The following STRBP variants were observed in gnomAD, a reference collection of about 807,000 sequenced individuals.
STRBP encodes the protein spermatid perinuclear RNA binding protein.
In STRBP, 13 loss-of-function variants were observed where a neutral mutation model predicts 80.1. The observed-to-expected ratio is 0.16, with a 90% confidence interval of 0.11 to 0.26. The LOEUF (loss-of-function observed/expected upper bound fraction) is 0.26. STRBP is among the 10% of genes least tolerant of loss of function. The pLI is 1.00. For missense variants in STRBP, 485 were observed against 815.2 expected (o/e 0.59, Z 4.93); for synonymous variants, 284 against 291.2 (o/e 0.98, Z 0.25).
At chr9:123,208,148 T>C (rs1463508694) in intron 2 of STRBP, among the ~76,000 whole-genome samples, 3 of 151,232 alleles carry the variant, frequency 2.0e-5, no homozygotes, top group Non-Finnish European at 4.4e-5. Flanking sequence ...GAATGAGACA[T>C]ATTCCAACAT....
intron 1 of STRBP, among the ~76,000 whole-genome samples, chr9:123,253,276 T>C (rs1281268232): frequency 6.6e-6 from 1 of 152,204 alleles, no homozygotes; most frequent in Non-Finnish European, 1.5e-5. Context: ...CATGATAATG[T>C]CCATAAAGAG....
At chr9:123,162,873 A>T (rs779946321) in intron 6 of STRBP, among the ~76,000 whole-genome samples, 46 of 152,362 alleles carry the variant, frequency 3.0e-4, no homozygotes, top group African/African-American at 1.1e-3. Flanking sequence ...AAAATATACA[A>T]GTAGCTCACT....
At chr9:123,190,229 A>G (rs547688429) in intron 2 of STRBP, among the ~76,000 whole-genome samples, 152 of 152,112 alleles carry the variant, frequency 1.0e-3, no homozygotes, top group South Asian at 2.1e-3. Context: ...GCAGTGAGCC[A>G]AGATCGTGCC....
At chr9:123,263,703 G>A (rs1320151687) in intron 1 of STRBP, among the ~76,000 whole-genome samples, 1 of 152,118 alleles carries the variant, frequency 6.6e-6, no homozygotes, top group Non-Finnish European at 1.5e-5. Context: ...AATACCAAAT[G>A]ATGGGTAATT....
At chr9:123,250,268 T>C (rs2416898) in intron 1 of STRBP, among the ~76,000 whole-genome samples, 55,579 of 152,192 alleles carry the variant, frequency 0.37, 16,877 homozygotes, top group African/African-American at 0.81. Flanking sequence ...AGCAGCTATC[T>C]GAACCCAGCT....
At chr9:123,142,744 T>C (rs2036644104) in intron 13 of STRBP, among the ~76,000 whole-genome samples, 1 of 123,724 alleles carries the variant, frequency 8.1e-6, no homozygotes, top group African/African-American at 3.3e-5. Context: ...GATAACACAC[T>C]TTTTTTTTTT....
At chr9:123,223,794 T>G (rs1425861843) in intron 2 of STRBP, among the ~76,000 whole-genome samples, 1 of 152,198 alleles carries the variant, frequency 6.6e-6, no homozygotes, top group African/African-American at 2.4e-5. Context: ...TTATTTATAT[T>G]CATATATGTG....
intron 2 of STRBP, among the ~76,000 whole-genome samples, chr9:123,228,526 T>G (rs951203838): frequency 2.6e-5 from 4 of 152,136 alleles, no homozygotes; most frequent in South Asian, 2.1e-4. Flanking sequence ...GTGAATAAAG[T>G]GTATTACGGA....
Position 123,122,303 on chromosome 9 carries a change from T to C in STRBP, c.*3294A>G. ...CGAGAATAAAGTGAGATAAACGTGC[T>C]GAAAACTGCTTAAAAGTATTAACCT... is the stretch of plus-strand genomic sequence containing the variant. On this transcript the variant is annotated 3_prime_UTR_variant, in exon 19 of 19. Transcript: ENST00000348403. 7.8e-7 allele frequency: 1 copy of C among 1,287,140 alleles called. No homozygotes were observed. Among genetic ancestry groups the C allele is most frequent in the Non-Finnish European group, 1.0e-6 (1 of 986,906 alleles). 79.7% of individuals were successfully genotyped at this position (1,287,140 alleles called of 1,614,324 possible).
Position 123,122,055 on chromosome 9 carries a change from C to T in STRBP, c.*3542G>A, listed in dbSNP as rs2035751093. 1 of 208,964 alleles carries T rather than the reference C, an allele frequency of 4.8e-6. No individual in the cohort carries two copies. The highest frequency in any genetic ancestry group is 5.5e-5 in the Admixed American group (1 of 18,038). The allele number at this position is 208,964 out of a possible 1,614,324, so 12.9% of individuals were successfully genotyped here. On this transcript the variant is annotated 3_prime_UTR_variant, in exon 19 of 19. Coordinates refer to ENST00000348403, the MANE Select transcript of STRBP (RefSeq NM_018387.5). ...CAAATGTTGAAAAATAACTATTTTA[C>T]ATTTAGACCATACAATTTTTAAAGG...
In STRBP at chr9:123,166,780, AACAACAACAAC is replaced by A. The variant is rs1490949893; in HGVS notation, c.535+3111_535+3121del. ...CAACAACAACAACAACAACAACAAC[AACAACAACAAC>A]AAAAAAACAAGCCAAACGAAAGACT... On this transcript the variant is annotated intron_variant, in intron 6 of 18. Coordinates refer to ENST00000348403, the MANE Select transcript of STRBP (RefSeq NM_018387.5). 2.6e-3 allele frequency among the ~76,000 whole-genome samples: 398 copies of A among 151,532 alleles called. 2 individuals carry two copies. The highest frequency in any genetic ancestry group is 8.9e-3 in the African/African-American group (365 of 41,116).
intron 2 of STRBP, among the ~76,000 whole-genome samples, chr9:123,228,087 T>C (rs1029612551): frequency 2.6e-5 from 4 of 152,106 alleles, no homozygotes; most frequent in African/African-American, 9.7e-5. Context: ...ATGTGGGATG[T>C]GAGAAAAGGA....
intron 2 of STRBP, among the ~76,000 whole-genome samples, chr9:123,196,893 C>G (rs932001630): frequency 1.3e-5 from 2 of 151,824 alleles, no homozygotes; most frequent in African/African-American, 2.4e-5. Context: ...AGGTATATAC[C>G]CAAAAGAAAA....
intron 2 of STRBP, among the ~76,000 whole-genome samples, chr9:123,203,057 C>T (rs1011203853): frequency 6.6e-6 from 1 of 152,030 alleles, no homozygotes; most frequent in Non-Finnish European, 1.5e-5. Flanking sequence ...AGTATTCCTG[C>T]TAATCTACAT....
At chr9:123,224,492 A>G (rs1444765534) in intron 2 of STRBP, among the ~76,000 whole-genome samples, 36 of 152,208 alleles carry the variant, frequency 2.4e-4, no homozygotes. Flanking sequence ...AAATGCCAAG[A>G]TAATTCCCAC....
chr9:123,248,822 C>G (rs1564335037), intron 1 of STRBP, among the ~76,000 whole-genome samples: 1 of 152,144 alleles, frequency 6.6e-6, no homozygotes, highest in Non-Finnish European at 1.5e-5. Context: ...AGAGAACTTG[C>G]ATTAGTCATC....
At chr9:123,214,002 G>A (rs1435385598) in intron 2 of STRBP, 2 of 151,522 alleles carry the variant, frequency 1.3e-5, no homozygotes, top group Non-Finnish European at 2.9e-5. Flanking sequence ...CAACCCAGAG[G>A]AAAAGAAGTC....
At chr9:123,226,320 A>G (rs2040234495) in intron 2 of STRBP, among the ~76,000 whole-genome samples, 1 of 152,212 alleles carries the variant, frequency 6.6e-6, no homozygotes. Context: ...GTCAAAATTC[A>G]TAGAACCGTA....
At chr9:123,181,800 C>CAAAAAAAAAAAA (rs56785428) in intron 3 of STRBP, among the ~76,000 whole-genome samples, 2 of 25,762 alleles carry the variant, frequency 7.8e-5, no homozygotes, top group African/African-American at 3.5e-4. Context: ...AACTTCGTCT[C>CAAAAAAAAAAAA]AAAAAAAAAA....
Sources: gnomAD v4.1 joint callset for allele counts (sites outside exome capture counted in the v4.1 genomes callset) on GRCh38, gnomAD v4.1.1 for gene constraint, MANE v1.5 for transcripts, NCBI Gene and HGNC (gene_info 2026-07-23, HGNC 2026-07-21) for gene names.